Variants in CARNMT1 observed in about 807,000 individuals in gnomAD.
The protein encoded by CARNMT1 is carnosine N-methyltransferase 1.
In CARNMT1, 28 loss-of-function variants were observed where a neutral mutation model predicts 49.6. The observed-to-expected ratio is 0.56, with a 90% CI of 0.42 to 0.77. CARNMT1 has a LOEUF of 0.77. Among genes scored for constraint, CARNMT1 ranks in the 30% least tolerant of loss-of-function variants. CARNMT1 has a pLI of 0.00. For missense variants in CARNMT1, 421 were observed against 512.6 expected, an observed-to-expected ratio of 0.82 and a Z score of 1.73; for synonymous variants, 178 against 175.0, an observed-to-expected ratio of 1.02 and a Z score of -0.13.
chr9:75,002,158 G>T (rs569687431), intron 3 of CARNMT1, among the ~76,000 whole-genome samples: 1 of 152,316 alleles, frequency 6.6e-6, no homozygotes, highest in African/African-American at 2.4e-5. Context: ...CAGAGTCCAT[G>T]TGTCTAAAGA....
intron 6 of CARNMT1, among the ~76,000 whole-genome samples, chr9:74,989,284 A>G (rs917615228): frequency 2.1e-4 from 32 of 151,712 alleles, no homozygotes; most frequent in African/African-American, 7.5e-4. Context: ...CTAATTTTTA[A>G]ACTTTTTTTT....
At chr9:74,988,510 C>A (rs1187686214) in intron 6 of CARNMT1, among the ~76,000 whole-genome samples, 2 of 151,944 alleles carry the variant, frequency 1.3e-5, no homozygotes, top group Admixed American at 6.6e-5. Flanking sequence ...TATGACTGTC[C>A]ACTCCATTAC....
At chr9:75,008,397 T>C (rs1284787337) in intron 3 of CARNMT1, among the ~76,000 whole-genome samples, 1 of 152,152 alleles carries the variant, frequency 6.6e-6, no homozygotes, top group Non-Finnish European at 1.5e-5. Context: ...AATGGCACAA[T>C]CTCAGCTCAC....
At chr9:75,010,730 CA>C (rs1833666382) in intron 3 of CARNMT1, among the ~76,000 whole-genome samples, 1 of 151,952 alleles carries the variant, frequency 6.6e-6, no homozygotes, top group African/African-American at 2.4e-5. Context: ...AAATCTTAAC[CA>C]AGATAAATAC....
At chr9:75,027,048 T>G (rs1822550053) in intron 1 of CARNMT1, 1 of 1,302,144 alleles carries the variant, frequency 7.7e-7, no homozygotes, top group African/African-American at 1.5e-5. Flanking sequence ...TGGGAACAGG[T>G]TTACCTGCGT....
intron 3 of CARNMT1, among the ~76,000 whole-genome samples, chr9:75,002,163 TAA>T (rs918876152): frequency 6.6e-6 from 1 of 152,194 alleles, no homozygotes. Flanking sequence ...TCCATGTGTC[TAA>T]AGAGGCCATA....
chr9:75,001,123 G>C (rs1333978885), intron 3 of CARNMT1, among the ~76,000 whole-genome samples: 1 of 151,892 alleles, frequency 6.6e-6, no homozygotes, highest in Non-Finnish European at 1.5e-5. Flanking sequence ...TCTCAGTTTA[G>C]AATTTTTTTT....
chr9:75,017,106 T>A (rs1227691083), intron 2 of CARNMT1, 147 bp downstream of exon 2: 4 of 624,714 alleles, frequency 6.4e-6, no homozygotes, highest in African/African-American at 3.7e-5. Flanking sequence ...TTAAGCCTAA[T>A]CAAATGACTG....
intron 2 of CARNMT1, 102 bp from the exon 3 acceptor site, chr9:75,016,533 A>C: frequency 9.6e-7 from 1 of 1,044,044 alleles, no homozygotes; most frequent in Non-Finnish European, 1.4e-6. Flanking sequence ...GGTTTAGTGG[A>C]TAAATCACTA....
At position 75,028,189 on chromosome 9, in the gene CARNMT1, C is replaced by T. The variant is rs747046529; in HGVS notation, c.53G>A (p.Cys18Tyr). The stretch of plus-strand genomic sequence containing the variant: ...CTCGCTGCCACCGCCTCCTCCCCCG[C>T]AGCCCTCGGGCAGCCGGGAGGTGGG... Reference protein sequence around the residue: ...PPPTSRLPEGCGGGGGGSEEV... With the variant: ...PPPTSRLPEGYGGGGGGSEEV... Residue 18 changes from cysteine to tyrosine, a missense_variant, in exon 1 of 8, where the codon TGC becomes TAC. This residue lies in a region of CARNMT1 where 186 missense variants were observed against 167.9 expected (regional missense o/e 1.11). Coordinates refer to ENST00000376834, the MANE Select transcript of CARNMT1 (RefSeq NM_152420.3). 1 of 1,505,378 alleles carries T rather than the reference C, an allele frequency of 6.6e-7. No individual in the cohort carries two copies. Among genetic ancestry groups the T allele is most frequent in the Non-Finnish European group, 8.9e-7 (1 of 1,127,456 alleles). 93.3% of individuals were successfully genotyped at this position (1,505,378 alleles called of 1,614,324 possible).
intron 1 of CARNMT1, among the ~76,000 whole-genome samples, chr9:75,027,752 G>A (rs925940403): frequency 3.9e-5 from 6 of 152,362 alleles, no homozygotes; most frequent in South Asian, 4.1e-4. Context: ...CGAGGACGGA[G>A]GCAGGAGAGC....
chr9:74,990,484 G>A (rs1439347001), intron 6 of CARNMT1, among the ~76,000 whole-genome samples: 1 of 152,166 alleles, frequency 6.6e-6, no homozygotes, highest in African/African-American at 2.4e-5. Flanking sequence ...TTGTGTGTAT[G>A]TATGTGTGTG....
At chr9:75,027,357 T>C (rs557477588) in intron 1 of CARNMT1, 3 of 923,130 alleles carry the variant, frequency 3.2e-6, no homozygotes, top group Non-Finnish European at 3.9e-6. Flanking sequence ...AGGCAGCTCT[T>C]ATTGTGACTT....
intron 3 of CARNMT1, among the ~76,000 whole-genome samples, chr9:75,015,499 T>C (rs1213768524): frequency 6.6e-6 from 1 of 152,158 alleles, no homozygotes; most frequent in Non-Finnish European, 1.5e-5. Context: ...AAAATTGTTA[T>C]TCTGGGCCAG....
Position 74,985,018 on chromosome 9 carries a change from T to A in CARNMT1, c.1025-8A>T, listed in dbSNP as rs771184493. ...AGTGGTACAGCAGAGGACCTATGGT[T>A]TAAAGATACTATGAATTACTTGAAT... On this transcript the variant is annotated splice_region_variant and splice_polypyrimidine_tract_variant and intron_variant, in intron 6 of 7. Transcript: ENST00000376834. 1 of 1,582,418 alleles carries A rather than the reference T, an allele frequency of 6.3e-7. No homozygotes were observed. The highest frequency in any genetic ancestry group is 8.7e-7 in the Non-Finnish European group (1 of 1,151,468).
intron 3 of CARNMT1, among the ~76,000 whole-genome samples, chr9:75,013,069 C>T (rs1403399485): frequency 6.6e-6 from 1 of 152,130 alleles, no homozygotes; most frequent in Admixed American, 6.6e-5. Context: ...AAGGGCCCCA[C>T]AATTTTTTGT....
Position 74,981,324 on chromosome 9 carries a change from T to C in CARNMT1, c.*2443A>G, listed in dbSNP as rs1832687484. ...ACAAAAAAACATAAGCACAGTGGAC[T>C]ATCTCCTCCCATTTCATAAAGTAAA... On this transcript the variant is annotated 3_prime_UTR_variant, in exon 8 of 8. Transcript: ENST00000376834. The C allele has an allele frequency of 6.6e-6, 1 of 152,190 alleles. No homozygotes were observed. Among genetic ancestry groups the C allele is most frequent in the Non-Finnish European group, 1.5e-5 (1 of 67,998 alleles). The allele number at this position is 152,190 out of a possible 1,614,324, so 9.4% of individuals were successfully genotyped here. A position where few individuals can be genotyped will look rare whatever the true frequency, so the allele number is the denominator to read the frequency against.
At chr9:74,986,822 T>C (rs377633396) in intron 6 of CARNMT1, among the ~76,000 whole-genome samples, 50 of 152,340 alleles carry the variant, frequency 3.3e-4, no homozygotes, top group African/African-American at 8.4e-4. Context: ...CTGTGTTGCA[T>C]TGCTCAGTGA....
At chr9:74,989,320 G>A (rs1280586262) in intron 6 of CARNMT1, among the ~76,000 whole-genome samples, 1 of 151,922 alleles carries the variant, frequency 6.6e-6, no homozygotes, top group African/African-American at 2.4e-5. Flanking sequence ...TTGCTGTGTT[G>A]CCCAGGCTGG....
Sources: gnomAD v4.1 joint callset for allele counts (sites outside exome capture counted in the v4.1 genomes callset) on GRCh38, gnomAD v4.1.1 for gene constraint, gnomAD v4.1.1 regional missense constraint, MANE v1.5 for transcripts, NCBI Gene and HGNC (gene_info 2026-07-23, HGNC 2026-07-21) for gene names.